Variants in SLC9A9 observed in about 807,000 individuals in gnomAD.
The protein encoded by SLC9A9 is sodium/hydrogen exchanger 9.
Under a neutral mutation model 77.8 loss-of-function variants are expected in SLC9A9, and 62 were observed. That is an observed-to-expected ratio of 0.80 (90% CI 0.65 to 0.98). The LOEUF is 0.98. Ranked by LOEUF, SLC9A9 falls within the 50% of genes least tolerant of loss-of-function variation. The pLI is 0.00. For synonymous variants in SLC9A9, 320 were observed against 283.5 expected (o/e 1.13, Z -1.29); for missense variants, 775 against 774.9 (o/e 1.00, Z 0.00).
At chr3:143,451,764 G>A (rs1002464223) in intron 12 of SLC9A9, among the ~76,000 whole-genome samples, 11 of 152,112 alleles carry the variant, frequency 7.2e-5, no homozygotes, top group Non-Finnish European at 1.5e-4. Flanking sequence ...GAACATATAT[G>A]GAGGATATGA....
At chr3:143,499,723 A>G (rs1245039842) in intron 9 of SLC9A9, among the ~76,000 whole-genome samples, 1 of 152,138 alleles carries the variant, frequency 6.6e-6, no homozygotes, top group Non-Finnish European at 1.5e-5. Context: ...AACATTTTTC[A>G]CTATTTCTCT....
At chr3:143,774,664 A>G (rs985513935) in intron 4 of SLC9A9, among the ~76,000 whole-genome samples, 11 of 151,440 alleles carry the variant, frequency 7.3e-5, no homozygotes, top group Admixed American at 3.3e-4. Flanking sequence ...ATAACAAGGA[A>G]AAAAGTAAGA....
intron 14 of SLC9A9, among the ~76,000 whole-genome samples, chr3:143,337,413 C>CAAAG (rs1361629413): frequency 6.6e-6 from 1 of 152,154 alleles, no homozygotes; most frequent in African/African-American, 2.4e-5. Flanking sequence ...TGCCTACTTC[C>CAAAG]AAAGAGTTAA....
intron 13 of SLC9A9, among the ~76,000 whole-genome samples, chr3:143,371,464 A>C (rs1281201783): frequency 6.6e-6 from 1 of 152,198 alleles, no homozygotes; most frequent in Admixed American, 6.5e-5. Context: ...CATTCAATGT[A>C]ATATTCATAA....
chr3:143,398,742 A>G (rs1192717642), intron 12 of SLC9A9, among the ~76,000 whole-genome samples: 1 of 152,194 alleles, frequency 6.6e-6, no homozygotes, highest in Non-Finnish European at 1.5e-5. Context: ...AACATGGAAA[A>G]ATAGCCAAAG....
chr3:143,575,077 A>G (rs2037335028), intron 7 of SLC9A9, among the ~76,000 whole-genome samples: 1 of 152,182 alleles, frequency 6.6e-6, no homozygotes, highest in Non-Finnish European at 1.5e-5. Context: ...GGAAAAGAAC[A>G]TTTTATTCTG....
chr3:143,787,584 T>C (rs1338689486), intron 4 of SLC9A9, among the ~76,000 whole-genome samples: 1 of 152,234 alleles, frequency 6.6e-6, no homozygotes, highest in African/African-American at 2.4e-5. Flanking sequence ...TTTGTTTATT[T>C]TACATTGTTT....
intron 6 of SLC9A9, among the ~76,000 whole-genome samples, chr3:143,603,835 T>G (rs2037883211): frequency 6.6e-6 from 1 of 152,222 alleles, no homozygotes; most frequent in Non-Finnish European, 1.5e-5. Context: ...CTGACGTGAG[T>G]ATTTTAGCAG....
intron 5 of SLC9A9, among the ~76,000 whole-genome samples, chr3:143,674,211 A>C (rs1167612082): frequency 6.6e-6 from 1 of 152,178 alleles, no homozygotes; most frequent in Non-Finnish European, 1.5e-5. Flanking sequence ...GGAAGTGGAA[A>C]GTGAGGTTCC....
chr3:143,385,596 A>C (rs1219340400), intron 12 of SLC9A9, among the ~76,000 whole-genome samples: 13 of 152,212 alleles, frequency 8.5e-5, no homozygotes, highest in Admixed American at 8.5e-4. Context: ...ACTTTAAACA[A>C]ATTTTTACAG....
intron 12 of SLC9A9, among the ~76,000 whole-genome samples, chr3:143,429,829 A>G (rs959357294): frequency 2.0e-5 from 3 of 152,224 alleles, no homozygotes; most frequent in Non-Finnish European, 4.4e-5. Context: ...TAGTAATACC[A>G]GAAGTCAGTA....
In SLC9A9 at chr3:143,286,363, C is replaced by T. The variant is rs1195778489; in HGVS notation, c.1605-17383G>A. On this transcript the variant is annotated intron_variant, in intron 14 of 15. Coordinates refer to ENST00000316549, the MANE Select transcript of SLC9A9 (RefSeq NM_173653.4). Reference sequence around the variant, plus strand: ...CACACAGACCTGATGGACATACAGGCTGTGACCTTCCTGCAGATTTGGAGA... The same window carrying T: ...CACACAGACCTGATGGACATACAGGTTGTGACCTTCCTGCAGATTTGGAGA... 2.0e-5 allele frequency among the ~76,000 whole-genome samples: 3 copies of T among 152,322 alleles called. No individual in the cohort carries two copies. The East Asian group carries it at 5.8e-4, about 29-fold the overall frequency.
intron 11 of SLC9A9, among the ~76,000 whole-genome samples, chr3:143,484,304 C>T (rs2035621259): frequency 6.6e-6 from 1 of 152,156 alleles, no homozygotes; most frequent in Non-Finnish European, 1.5e-5. Context: ...CAGAAAAGGC[C>T]AGACAGTGTG....
chr3:143,608,708 T>G (rs1487407954), intron 6 of SLC9A9, among the ~76,000 whole-genome samples: 1 of 152,172 alleles, frequency 6.6e-6, no homozygotes, highest in Non-Finnish European at 1.5e-5. Flanking sequence ...TGTTATATAT[T>G]GCTTATGGGT....
chr3:143,335,081 A>G (rs188271142), intron 14 of SLC9A9, among the ~76,000 whole-genome samples: 2 of 152,306 alleles, frequency 1.3e-5, no homozygotes, highest in African/African-American at 4.8e-5. Context: ...GTTAGAGCTA[A>G]TAAAGGAATT....
At position 143,701,672 on chromosome 3, in the gene SLC9A9, T is replaced by C. The variant is rs187131107; in HGVS notation, c.534-8365A>G. On this transcript the variant is annotated intron_variant, in intron 4 of 15. Transcript: ENST00000316549. ...AAGCATGCCTACAGGATCTAGGAAA[T>C]AGCCTCAAAAGGGCAAATTTAAGAG... 5.3e-3 allele frequency among the ~76,000 whole-genome samples: 807 copies of C among 152,022 alleles called. 9 individuals carry two copies. Among genetic ancestry groups the C allele is most frequent in the African/African-American group, 0.018 (764 of 41,454 alleles).
At chr3:143,575,290 G>A (rs1252576454) in intron 7 of SLC9A9, among the ~76,000 whole-genome samples, 1 of 152,152 alleles carries the variant, frequency 6.6e-6, no homozygotes, top group African/African-American at 2.4e-5. Context: ...GGGGAGTGTA[G>A]CATTTGGAAG....
At chr3:143,668,198 G>A (rs997723149) in intron 5 of SLC9A9, among the ~76,000 whole-genome samples, 1 of 151,872 alleles carries the variant, frequency 6.6e-6, no homozygotes, top group Non-Finnish European at 1.5e-5. Context: ...GGATGAAGCT[G>A]GAAACCATCA....
intron 9 of SLC9A9, among the ~76,000 whole-genome samples, chr3:143,516,789 T>A (rs912686698): frequency 2.0e-5 from 3 of 152,130 alleles, no homozygotes; most frequent in Non-Finnish European, 4.4e-5. Flanking sequence ...GAGAGTAAAT[T>A]TGCTGGTCAT....
Sources: gnomAD v4.1 joint callset for allele counts (sites outside exome capture counted in the v4.1 genomes callset) on GRCh38, gnomAD v4.1.1 for gene constraint, MANE v1.5 for transcripts, NCBI Gene and HGNC (gene_info 2026-07-23, HGNC 2026-07-21) for gene names.